MAST4: variants seen among roughly 807,000 people sequenced by gnomAD.
The protein encoded by MAST4 is microtubule associated serine/threonine kinase family member 4.
Under a neutral mutation model 162.7 loss-of-function variants are expected in MAST4, and 89 were observed. That is an observed-to-expected ratio of 0.55 (90% confidence interval 0.46 to 0.65). The LOEUF is 0.65. Ranked by LOEUF, MAST4 falls within the 30% of genes least tolerant of loss-of-function variation. The pLI is 0.00. For missense variants in MAST4, 3,153 were observed against 3,374.0 expected (o/e 0.93, Z 1.62); for synonymous variants, 1,479 against 1,361.1 (o/e 1.09, Z -1.91).
At chr5:66,786,025 C>T (rs1273767215) in intron 2 of MAST4, among the ~76,000 whole-genome samples, 2 of 152,068 alleles carry the variant, frequency 1.3e-5, no homozygotes, top group Non-Finnish European at 2.9e-5. Context: ...TGTGCTACCA[C>T]ACCTGGCTAA....
At chr5:66,635,399 T>C (rs983297096) in intron 1 of MAST4, among the ~76,000 whole-genome samples, 2 of 152,258 alleles carry the variant, frequency 1.3e-5, no homozygotes, top group African/African-American at 4.8e-5. Flanking sequence ...CTCGTCACGC[T>C]AATGACTAGA....
At chr5:67,126,778 A>G (rs1768288054) in intron 14 of MAST4, among the ~76,000 whole-genome samples, 1 of 152,174 alleles carries the variant, frequency 6.6e-6, no homozygotes, top group Non-Finnish European at 1.5e-5. Context: ...CAATTCTATG[A>G]AAAAAGTCAG....
chr5:66,788,564 A>C, intron 2 of MAST4, 106 bp from the exon 3 acceptor site: 1 of 1,348,884 alleles, frequency 7.4e-7, no homozygotes. Flanking sequence ...CAGAAGTAAT[A>C]CAGAACAAGG....
chr5:66,915,266 C>CAA (rs70987147), intron 4 of MAST4, among the ~76,000 whole-genome samples: 1,657 of 83,452 alleles, frequency 0.02, 27 homozygotes, highest in African/African-American at 0.029. Context: ...ACTCTTGTCT[C>CAA]AAAAAAAAAA....
chr5:67,120,134 A>G (rs993120685), intron 13 of MAST4, among the ~76,000 whole-genome samples: 3 of 152,160 alleles, frequency 2.0e-5, no homozygotes, highest in African/African-American at 7.2e-5. Flanking sequence ...TTCAAGTTGA[A>G]GAGGTCAAGT....
chr5:66,733,898 A>C (rs1752009665), intron 1 of MAST4, among the ~76,000 whole-genome samples: 1 of 152,190 alleles, frequency 6.6e-6, no homozygotes, highest in Admixed American at 6.5e-5. Context: ...ATGTCTTAGT[A>C]TGGTTTGCAG....
At chr5:66,737,821 C>T (rs1415180765) in intron 1 of MAST4, among the ~76,000 whole-genome samples, 4 of 152,190 alleles carry the variant, frequency 2.6e-5, no homozygotes, top group Middle Eastern at 3.4e-3. Context: ...TCCTTAGGAC[C>T]GCTTGAGGCA....
At chr5:67,033,367 TAC>T (rs1755611816) in intron 4 of MAST4, among the ~76,000 whole-genome samples, 1 of 147,276 alleles carries the variant, frequency 6.8e-6, no homozygotes, top group African/African-American at 2.5e-5. Context: ...TTCAGATTGT[TAC>T]AGATACTTCT....
chr5:66,995,416 GT>G (rs1354707464), intron 4 of MAST4, among the ~76,000 whole-genome samples: 3 of 152,058 alleles, frequency 2.0e-5, no homozygotes, highest in African/African-American at 7.2e-5. Context: ...TTGTCTGTTT[GT>G]TTTTGAGACA....
chr5:66,883,649 G>A (rs764103468), intron 3 of MAST4, among the ~76,000 whole-genome samples: 18 of 151,880 alleles, frequency 1.2e-4, no homozygotes, highest in East Asian at 1.9e-4. Flanking sequence ...GGCTGGCCTC[G>A]AACTCCTGAC....
chr5:67,129,568 C>G (rs1374557919), intron 14 of MAST4, among the ~76,000 whole-genome samples: 1 of 151,456 alleles, frequency 6.6e-6, no homozygotes, highest in African/African-American at 2.4e-5. Flanking sequence ...AAAAAACAAG[C>G]AAAAAATTAG....
chr5:66,993,843 A>C (rs1750305484), intron 4 of MAST4, among the ~76,000 whole-genome samples: 1 of 151,964 alleles, frequency 6.6e-6, no homozygotes, highest in African/African-American at 2.4e-5. Context: ...AACTTTAAGA[A>C]TCACCTGGAC....
chr5:67,023,711 T>C (rs1331304568), intron 4 of MAST4, among the ~76,000 whole-genome samples: 1 of 152,044 alleles, frequency 6.6e-6, no homozygotes, highest in Non-Finnish European at 1.5e-5. Context: ...ATTTGCAAAC[T>C]TATGGGTGGA....
At chr5:67,105,549 C>T (rs556001560) in intron 10 of MAST4, among the ~76,000 whole-genome samples, 10 of 152,258 alleles carry the variant, frequency 6.6e-5, no homozygotes, top group Admixed American at 5.2e-4. Context: ...TGATGCAGTC[C>T]CTTTCAGACT....
chr5:67,015,743 C>T (rs1417809031), intron 4 of MAST4, among the ~76,000 whole-genome samples: 3 of 152,060 alleles, frequency 2.0e-5, no homozygotes, highest in Non-Finnish European at 2.9e-5. Context: ...AAGAGCTGGA[C>T]GATTAACCTC....
At chr5:66,622,606 G>A (rs1744149236) in intron 1 of MAST4, among the ~76,000 whole-genome samples, 1 of 152,154 alleles carries the variant, frequency 6.6e-6, no homozygotes, top group Non-Finnish European at 1.5e-5. Context: ...AGAGGTGATG[G>A]TGCTTGGAGC....
chr5:67,166,107 C>G lies in MAST4; in HGVS notation c.6928C>G (p.Pro2310Ala), dbSNP rs371350803. The G allele has an allele frequency of 6.2e-7, 1 of 1,610,706 alleles. No homozygotes were observed. Among genetic ancestry groups the G allele is most frequent in the Non-Finnish European group, 8.5e-7 (1 of 1,178,406 alleles). Reference protein sequence around the residue: ...KPVHLPRPGHPGPSEPADQKL... With the variant: ...KPVHLPRPGHAGPSEPADQKL... Reference sequence around the variant, plus strand: ...TGTGCATTTGCCAAGGCCGGGACACCCAGGGCCTAGTGAGCCAGCGGACCA... The same window carrying G: ...TGTGCATTTGCCAAGGCCGGGACACGCAGGGCCTAGTGAGCCAGCGGACCA... The change falls in exon 29 of 29, where the codon CCA (proline) becomes GCA (alanine). Residue 2310 changes from proline to alanine, a missense_variant. Physicochemically the swap from Pro to Ala is conservative, Grantham distance 27. Coordinates refer to ENST00000403625, the MANE Select transcript of MAST4 (RefSeq NM_001164664.2).
chr5:67,060,355 A>G (rs1490311226), intron 5 of MAST4, among the ~76,000 whole-genome samples: 1 of 152,196 alleles, frequency 6.6e-6, no homozygotes, highest in Non-Finnish European at 1.5e-5. Flanking sequence ...TAGTCTGGCA[A>G]TAAGGTGGAG....
intron 4 of MAST4, among the ~76,000 whole-genome samples, chr5:67,017,728 C>G (rs114381709): frequency 6.6e-6 from 1 of 151,668 alleles, no homozygotes; most frequent in African/African-American, 2.4e-5. Flanking sequence ...CTCGGCCTCC[C>G]GAGTAGCTTA....
Sources: allele counts gnomAD v4.1 joint callset (sites outside exome capture counted in the v4.1 genomes callset), GRCh38; gene constraint gnomAD v4.1.1; transcripts MANE v1.5; gene names NCBI Gene and HGNC (gene_info 2026-07-23, HGNC 2026-07-21).